WWOX: variants seen among roughly 807,000 people sequenced by gnomAD.
The protein encoded by WWOX is WW domain containing oxidoreductase, also known as WW domain-containing oxidoreductase.
WWOX carries 69 observed loss-of-function variants against 46.2 expected under a neutral mutation model. That is an observed-to-expected ratio of 1.49 (90% CI 1.23 to 1.82). WWOX has a LOEUF of 1.82. Among genes scored for constraint, WWOX ranks in the 40% most tolerant of loss-of-function variants. The pLI, the probability that WWOX is intolerant of heterozygous loss-of-function variation, is 0.00. For missense variants in WWOX, 919 were observed against 542.6 expected (o/e 1.69, Z -6.89); for synonymous variants, 359 against 202.6 (o/e 1.77, Z -6.56).
chr16:78,724,833 C>G (rs532683199), intron 8 of WWOX, among the ~76,000 whole-genome samples: 11 of 152,262 alleles, frequency 7.2e-5, no homozygotes, highest in East Asian at 1.9e-4. Flanking sequence ...AGACATATCT[C>G]CATCTGATTC....
At chr16:79,078,284 A>T (rs978416639) in intron 8 of WWOX, 1 of 152,148 alleles carries the variant, frequency 6.6e-6, no homozygotes, top group Non-Finnish European at 1.5e-5. Context: ...TCTTCCTTGA[A>T]TTCCATAGGT....
chr16:78,157,450 T>C (rs1011334039), intron 4 of WWOX, among the ~76,000 whole-genome samples: 6 of 152,202 alleles, frequency 3.9e-5, no homozygotes, highest in Admixed American at 3.3e-4. Context: ...TTTGAGATTA[T>C]TGTCGTCTTG....
At chr16:78,813,229 C>G (rs377154778) in intron 8 of WWOX, among the ~76,000 whole-genome samples, 2 of 152,134 alleles carry the variant, frequency 1.3e-5, no homozygotes, top group South Asian at 2.1e-4. Flanking sequence ...ACCTACCTCA[C>G]AGAGATGTTT....
At chr16:79,151,925 ATG>A (rs2050287188) in intron 8 of WWOX, among the ~76,000 whole-genome samples, 1 of 152,192 alleles carries the variant, frequency 6.6e-6, no homozygotes, top group African/African-American at 2.4e-5. Context: ...GAAATATCAC[ATG>A]TAAATAGCCG....
intron 8 of WWOX, among the ~76,000 whole-genome samples, chr16:78,689,824 A>G (rs1398634761): frequency 6.6e-6 from 1 of 151,954 alleles, no homozygotes; most frequent in Non-Finnish European, 1.5e-5. Flanking sequence ...CTTCCTTACC[A>G]TTTTAACAAA....
At chr16:78,517,433 T>A (rs2043258909) in intron 8 of WWOX, among the ~76,000 whole-genome samples, 1 of 152,046 alleles carries the variant, frequency 6.6e-6, no homozygotes, top group Admixed American at 6.6e-5. Context: ...TCCAGCTATG[T>A]TTAAATATGA....
Position 78,355,301 on chromosome 16 carries a change from A to C in WWOX, c.517-31559A>C, listed in dbSNP as rs557022097. On this transcript the variant is annotated intron_variant, in intron 5 of 8. Transcript: ENST00000566780. ...TACATATACGTATATGTATGTGTAT[A>C]GATAAAAATGCGTGTATGGTGCTGG... Among the ~76,000 whole-genome samples, 20 of 152,256 alleles carry C rather than the reference A, an allele frequency of 1.3e-4. No homozygotes were observed. In the South Asian group the frequency reaches 3.3e-3, roughly 25 times the overall value.
At chr16:78,607,618 G>GT (rs1325415274) in intron 8 of WWOX, among the ~76,000 whole-genome samples, 1 of 150,158 alleles carries the variant, frequency 6.7e-6, no homozygotes, top group Non-Finnish European at 1.5e-5. Flanking sequence ...TTCAGCTGGC[G>GT]TAAGAGGAGT....
At chr16:78,556,495 G>C (rs543150465) in intron 8 of WWOX, among the ~76,000 whole-genome samples, 26 of 152,210 alleles carry the variant, frequency 1.7e-4, no homozygotes, top group African/African-American at 5.5e-4. Context: ...TTTATCTTGA[G>C]TGCCATCTTA....
intron 8 of WWOX, chr16:78,525,536 C>A (rs542079530): frequency 1.3e-5 from 2 of 152,248 alleles, no homozygotes; most frequent in African/African-American, 2.4e-5. Flanking sequence ...GGAAATAGTT[C>A]TTTTGGTTCT....
intron 8 of WWOX, among the ~76,000 whole-genome samples, chr16:78,821,347 C>A (rs1471696342): frequency 6.6e-6 from 1 of 152,142 alleles, no homozygotes; most frequent in Non-Finnish European, 1.5e-5. Flanking sequence ...CGCCCCCCAG[C>A]CCCCACCCCA....
intron 8 of WWOX, among the ~76,000 whole-genome samples, chr16:78,437,524 C>G (rs534525936): frequency 1.3e-4 from 20 of 152,282 alleles, no homozygotes; most frequent in African/African-American, 4.8e-4. Context: ...TCACAGGAAT[C>G]AATTCTCAGC....
intron 8 of WWOX, among the ~76,000 whole-genome samples, chr16:78,776,342 G>A (rs190088609): frequency 1.8e-4 from 28 of 152,180 alleles, no homozygotes; most frequent in African/African-American, 5.5e-4. Context: ...CATCTCGTGC[G>A]AAGCCCCTCT....
At chr16:78,511,914 A>G (rs1482684170) in intron 8 of WWOX, among the ~76,000 whole-genome samples, 1 of 152,216 alleles carries the variant, frequency 6.6e-6, no homozygotes, top group African/African-American at 2.4e-5. Flanking sequence ...CTGCTAAAAT[A>G]CCCAGCTACT....
rs180771228 is a variant in WWOX, at chr16:78,965,297, G to A, written c.1057-246311G>A. Among the ~76,000 whole-genome samples, 54 of 152,252 alleles carry A rather than the reference G, an allele frequency of 3.5e-4. 1 individual carries two copies. The East Asian group carries it at 5.8e-3, about 16-fold the overall frequency. ...TCACTAGTAAAATTTGGCCAGACAC[G>A]GTGGCTCATGCCTATAATCCTAGCA... On this transcript the variant is annotated intron_variant, in intron 8 of 8. Transcript: ENST00000566780.
At chr16:79,156,570 T>G (rs765402809) in intron 8 of WWOX, among the ~76,000 whole-genome samples, 2 of 152,138 alleles carry the variant, frequency 1.3e-5, no homozygotes, top group African/African-American at 4.8e-5. Context: ...TTCAGAAGAT[T>G]AGTAGTCAGA....
intron 8 of WWOX, among the ~76,000 whole-genome samples, chr16:78,764,487 A>C (rs1168478907): frequency 3.4e-5 from 5 of 147,572 alleles, no homozygotes; most frequent in African/African-American, 1.3e-4. Context: ...GTTTTCATCC[A>C]AACCAGTTAC....
intron 8 of WWOX, among the ~76,000 whole-genome samples, chr16:79,116,714 GAATA>G (rs1366796475): frequency 1.3e-5 from 2 of 151,886 alleles, no homozygotes; most frequent in Non-Finnish European, 2.9e-5. Context: ...CAAGAAGGTG[GAATA>G]AACTTCTTCC....
chr16:78,611,769 C>G (rs187610166), intron 8 of WWOX, among the ~76,000 whole-genome samples: 6 of 152,278 alleles, frequency 3.9e-5, no homozygotes, highest in East Asian at 3.9e-4. Flanking sequence ...TGATCTCACT[C>G]CAGTATCAGC....
Sources: gnomAD v4.1 joint callset for allele counts (sites outside exome capture counted in the v4.1 genomes callset) on GRCh38, gnomAD v4.1.1 for gene constraint, MANE v1.5 for transcripts, NCBI Gene and HGNC (gene_info 2026-07-23, HGNC 2026-07-21) for gene names.